Variants in SLC35F3 observed in about 807,000 individuals in gnomAD.
SLC35F3 encodes the protein solute carrier family 35 member F3.
In SLC35F3, 25 loss-of-function variants were observed where a neutral mutation model predicts 49.9. The ratio of observed to expected loss-of-function variants is 0.50; its 90% CI spans 0.37 to 0.70. SLC35F3 has a LOEUF of 0.70. SLC35F3 is among the 30% of genes least tolerant of loss of function. The pLI, the probability that SLC35F3 is intolerant of heterozygous loss-of-function variation, is 0.00. For synonymous variants in SLC35F3, 275 were observed against 265.4 expected, an observed-to-expected ratio of 1.04 and a Z score of -0.35; for missense variants, 525 against 639.8, an observed-to-expected ratio of 0.82 and a Z score of 1.94.
chr1:234,258,081 A>G (rs1311695086), intron 3 of SLC35F3, among the ~76,000 whole-genome samples: 2 of 152,174 alleles, frequency 1.3e-5, no homozygotes, highest in African/African-American at 2.4e-5. Context: ...TAATAATCAT[A>G]TGGTTCACCA....
intron 2 of SLC35F3, among the ~76,000 whole-genome samples, chr1:234,151,523 T>TA (rs2102908737): frequency 6.7e-6 from 1 of 149,120 alleles, no homozygotes; most frequent in South Asian, 2.1e-4. Context: ...GAAAATTATA[T>TA]AAGATGTGAA....
chr1:233,987,803 A>G lies in SLC35F3; in HGVS notation c.283+82045A>G, dbSNP rs373970506. On this transcript the variant is annotated intron_variant, in intron 2 of 7. Transcript: ENST00000366618. The stretch of plus-strand genomic sequence containing the variant: ...TTTTAATCTTCTTATATTTGATCTC[A>G]TATTTTCCAAATGTCTACCTTTTAC... Among the ~76,000 whole-genome samples the G allele has an allele frequency of 1.1e-4, 17 of 152,218 alleles. No individual in the cohort carries two copies. The East Asian group carries it at 2.3e-3, about 21-fold the overall frequency.
intron 2 of SLC35F3, among the ~76,000 whole-genome samples, chr1:233,995,875 C>T (rs1663450936): frequency 6.6e-6 from 1 of 152,106 alleles, no homozygotes; most frequent in Admixed American, 6.5e-5. Context: ...TCTTGGTTAA[C>T]CCCCATTCTA....
At chr1:234,124,698 C>G (rs988849234) in intron 2 of SLC35F3, among the ~76,000 whole-genome samples, 5 of 152,114 alleles carry the variant, frequency 3.3e-5, no homozygotes, top group Non-Finnish European at 7.3e-5. Flanking sequence ...AAGACCCCAT[C>G]TCTACGAAAA....
chr1:234,172,778 A>G (rs1019852626), intron 2 of SLC35F3, among the ~76,000 whole-genome samples: 2 of 152,234 alleles, frequency 1.3e-5, no homozygotes, highest in African/African-American at 4.8e-5. Flanking sequence ...GTCTCTAAAC[A>G]TATCTAAATG....
At chr1:234,177,309 G>A (rs185108801) in intron 2 of SLC35F3, among the ~76,000 whole-genome samples, 29 of 152,262 alleles carry the variant, frequency 1.9e-4, no homozygotes, top group African/African-American at 6.7e-4. Flanking sequence ...CCAGTGTCAG[G>A]TATGTCTTTA....
At chr1:234,290,502 G>A (rs1219213869) in intron 3 of SLC35F3, among the ~76,000 whole-genome samples, 1 of 152,190 alleles carries the variant, frequency 6.6e-6, no homozygotes, top group East Asian at 1.9e-4. Context: ...TAACCTCAGT[G>A]CACTTGCAGG....
intron 2 of SLC35F3, among the ~76,000 whole-genome samples, chr1:234,032,097 G>A (rs6676520): frequency 5.9e-5 from 9 of 151,996 alleles, no homozygotes; most frequent in Admixed American, 2.0e-4. Context: ...TTGATACTTC[G>A]TGATTGTTCT....
At chr1:233,949,526 A>T (rs1020856630) in intron 2 of SLC35F3, among the ~76,000 whole-genome samples, 1 of 152,220 alleles carries the variant, frequency 6.6e-6, no homozygotes, top group Non-Finnish European at 1.5e-5. Flanking sequence ...ACCAAAAGTC[A>T]GTTCTGTTTC....
chr1:234,261,827 C>T (rs1248802752), intron 3 of SLC35F3: 2 of 152,162 alleles, frequency 1.3e-5, no homozygotes, highest in Non-Finnish European at 2.9e-5. Context: ...TTTAGAAACA[C>T]TATTGCACCC....
rs138541740 is a variant in SLC35F3, at chr1:234,309,698, G to A, written c.828+378G>A. Among the ~76,000 whole-genome samples, 899 of 152,348 alleles carry A rather than the reference G, an allele frequency of 5.9e-3. 32 individuals are homozygous for A. The highest frequency in any genetic ancestry group is 0.051 in the Admixed American group (774 of 15,306). ...GGGCGTGGCATGACCGTGCCCTGCA[G>A]CCTGGAGCTTTCTGCTAACACTGCC... On this transcript the variant is annotated intron_variant, in intron 4 of 7. Coordinates refer to ENST00000366618, the MANE Select transcript of SLC35F3 (RefSeq NM_173508.4).
At chr1:234,181,773 G>A (rs969621480) in intron 2 of SLC35F3, among the ~76,000 whole-genome samples, 3 of 151,946 alleles carry the variant, frequency 2.0e-5, no homozygotes, top group African/African-American at 7.3e-5. Context: ...CCTTATTCTG[G>A]TTTTTTCTTT....
At chr1:233,935,189 CTTTTTTTTTTTTTTTTT>C (rs35418747) in intron 2 of SLC35F3, among the ~76,000 whole-genome samples, 1 of 50,302 alleles carries the variant, frequency 2.0e-5, no homozygotes, top group Non-Finnish European at 3.3e-5. Flanking sequence ...TTTCCTTGCC[CTTTTTTTTTTTTTTTTT>C]TTTTTTTTTT....
intron 2 of SLC35F3, among the ~76,000 whole-genome samples, chr1:234,209,821 C>T (rs778966079): frequency 6.6e-6 from 1 of 151,972 alleles, no homozygotes; most frequent in Non-Finnish European, 1.5e-5. Flanking sequence ...ATCAAAAACT[C>T]CTGGGGTAAG....
chr1:234,247,814 C>CAGTTGGCTGGTGCATTGTTTG (rs1558272687), intron 3 of SLC35F3, among the ~76,000 whole-genome samples: 85,150 of 128,966 alleles, frequency 0.66, 34,622 homozygotes, highest in East Asian at 0.74. Flanking sequence ...TCCATTGTTT[C>CAGTTGGCTGGTGCATTGTTTG]ATGGGTCAGT....
At chr1:234,015,700 A>T (rs562047625) in intron 2 of SLC35F3, among the ~76,000 whole-genome samples, 1 of 152,324 alleles carries the variant, frequency 6.6e-6, no homozygotes, top group East Asian at 1.9e-4. Flanking sequence ...CTGAAACTGT[A>T]AAACTATAAG....
intron 2 of SLC35F3, among the ~76,000 whole-genome samples, chr1:233,956,834 C>A (rs1198869029): frequency 6.6e-6 from 1 of 152,196 alleles, no homozygotes; most frequent in Non-Finnish European, 1.5e-5. Context: ...GAAGCTGAAC[C>A]CTAAACTCCT....
intron 2 of SLC35F3, among the ~76,000 whole-genome samples, chr1:234,063,911 C>T (rs911859384): frequency 3.3e-5 from 5 of 152,248 alleles, no homozygotes; most frequent in African/African-American, 4.8e-5. Context: ...TGCCAATGGC[C>T]GCTTCTTCTG....
chr1:233,946,892 G>T (rs1272558995), intron 2 of SLC35F3, among the ~76,000 whole-genome samples: 1 of 152,198 alleles, frequency 6.6e-6, no homozygotes, highest in Non-Finnish European at 1.5e-5. Flanking sequence ...ATGTGTGTGT[G>T]ACCCAGGAAT....
Sources: gnomAD v4.1 joint callset for allele counts (sites outside exome capture counted in the v4.1 genomes callset) on GRCh38, gnomAD v4.1.1 for gene constraint, MANE v1.5 for transcripts, NCBI Gene and HGNC (gene_info 2026-07-23, HGNC 2026-07-21) for gene names.